CCNT2: variants seen among roughly 807,000 people sequenced by gnomAD.
The protein encoded by CCNT2 is cyclin-T2.
In CCNT2, 18 loss-of-function variants were observed where a neutral mutation model predicts 70.0. The observed-to-expected ratio is 0.26, with a 90% CI of 0.18 to 0.38. The LOEUF (loss-of-function observed/expected upper bound fraction) is 0.38. Ranked by LOEUF, CCNT2 falls within the 10% of genes least tolerant of loss-of-function variation. CCNT2 has a pLI of 1.00. For missense variants in CCNT2, 734 were observed against 890.2 expected, an observed-to-expected ratio of 0.82 and a Z score of 2.23; for synonymous variants, 334 against 313.3, an observed-to-expected ratio of 1.07 and a Z score of -0.70.
intron 2 of CCNT2, 39 bp from the exon 3 acceptor site, chr2:134,936,800 GTA>G: frequency 6.5e-7 from 1 of 1,545,618 alleles, no homozygotes. Context: ...TTTTTGAAAT[GTA>G]TTTGTTCTTA....
chr2:134,939,441 A>G (rs1443058453), intron 4 of CCNT2, among the ~76,000 whole-genome samples: 1 of 151,780 alleles, frequency 6.6e-6, no homozygotes, highest in Admixed American at 6.6e-5. Flanking sequence ...TTATGAGTAT[A>G]TCACCTTTTT....
chr2:134,918,841 G>A lies in CCNT2; in HGVS notation c.-14G>A. On this transcript the variant is annotated 5_prime_UTR_variant, in exon 1 of 9. Coordinates refer to ENST00000264157, the MANE Select transcript of CCNT2 (RefSeq NM_058241.3). ...CGGGGGGTGAATGAAGGAGCGGGCG[G>A]AGGAGGAAGTGTCATGGCGTCGGGC... 6.2e-7 allele frequency: 1 copy of A among 1,608,976 alleles called. No individual in the cohort carries two copies. Among genetic ancestry groups the A allele is most frequent in the Non-Finnish European group, 8.5e-7 (1 of 1,176,720 alleles).
intron 2 of CCNT2, among the ~76,000 whole-genome samples, chr2:134,930,793 T>G (rs1430036140): frequency 1.3e-5 from 2 of 152,166 alleles, no homozygotes; most frequent in African/African-American, 4.8e-5. Context: ...AGTTTATTAA[T>G]ATTTTTCTTC....
chr2:134,938,622 G>A (rs528948842), intron 3 of CCNT2, among the ~76,000 whole-genome samples: 4 of 152,306 alleles, frequency 2.6e-5, no homozygotes, highest in African/African-American at 9.6e-5. Context: ...TGTAAGCCAG[G>A]TTTGGGTTAA....
At chr2:134,950,524 C>A (rs1424885684) in intron 7 of CCNT2, among the ~76,000 whole-genome samples, 2 of 152,076 alleles carry the variant, frequency 1.3e-5, no homozygotes, top group African/African-American at 4.8e-5. Flanking sequence ...ATAGACCCAA[C>A]TACTGTGGAG....
intron 6 of CCNT2, chr2:134,946,546 TA>T: frequency 3.1e-6 from 1 of 319,430 alleles, no homozygotes; most frequent in Non-Finnish European, 4.6e-6. Flanking sequence ...GTCTTAACTT[TA>T]AAATACTCAT....
chr2:134,926,130 C>T (rs1478313197), intron 2 of CCNT2, among the ~76,000 whole-genome samples: 1 of 152,050 alleles, frequency 6.6e-6, no homozygotes. Flanking sequence ...CCTCCCAACA[C>T]TCAGCCTAAA....
intron 2 of CCNT2, among the ~76,000 whole-genome samples, chr2:134,933,240 T>G (rs1391760690): frequency 6.6e-6 from 1 of 152,232 alleles, no homozygotes; most frequent in East Asian, 1.9e-4. Context: ...TGGCTAGTTC[T>G]TAAATACAAA....
rs571738194 is a variant in CCNT2 at position 134,942,988 on chromosome 2, T to C, written c.493+314T>C. ...ATTTCAGTCAAGTGTGGGCCAATAG[T>C]GCATAGGTTCAGAAAATAATATTAA... On this transcript the variant is annotated intron_variant, in intron 5 of 8. Coordinates refer to ENST00000264157, the MANE Select transcript of CCNT2 (RefSeq NM_058241.3). 52 of 985,254 alleles carry C rather than the reference T, an allele frequency of 5.3e-5. No homozygotes were observed. The African/African-American group carries it at 7.3e-4, about 14-fold the overall frequency. 61.0% of individuals were successfully genotyped at this position (985,254 alleles called of 1,614,324 possible). A position where few individuals can be genotyped will look rare whatever the true frequency, so the allele number is the denominator to read the frequency against.
intron 5 of CCNT2, chr2:134,943,365 C>T (rs917786740): frequency 3.5e-6 from 3 of 853,816 alleles, no homozygotes; most frequent in South Asian, 5.3e-5. Context: ...CATGCCCCTG[C>T]ACTCTACCTT....
At chr2:134,941,866 T>G (rs1160763761) in intron 4 of CCNT2, among the ~76,000 whole-genome samples, 1 of 152,158 alleles carries the variant, frequency 6.6e-6, no homozygotes, top group African/African-American at 2.4e-5. Context: ...TCTGCATATT[T>G]AATTACAGTA....
chr2:134,949,517 CT>C (rs1478655886), intron 7 of CCNT2, among the ~76,000 whole-genome samples: 1 of 152,132 alleles, frequency 6.6e-6, no homozygotes, highest in Non-Finnish European at 1.5e-5. Context: ...GTGAAATATG[CT>C]TCTTTGTTTC....
At position 134,957,459 on chromosome 2, in the gene CCNT2, C is replaced by A. The variant is rs1316793559; in HGVS notation, c.*2811C>A. 1 of 152,122 alleles carries A rather than the reference C, an allele frequency of 6.6e-6. No homozygotes were observed. Among genetic ancestry groups the A allele is most frequent in the African/African-American group, 2.4e-5 (1 of 41,440 alleles). 9.4% of individuals were successfully genotyped at this position (152,122 alleles called of 1,614,324 possible). On this transcript the variant is annotated 3_prime_UTR_variant, in exon 9 of 9. Transcript: ENST00000264157. ...TTTTCCCTAGATCACTGATTTGTTA[C>A]CTTTACACAGAAGCACATTGCAAAG...
chr2:134,953,811 A>G lies in CCNT2; in HGVS notation c.1356A>G (p.Val452=), dbSNP rs1390381414. 6.2e-7 allele frequency: 1 copy of G among 1,613,640 alleles called. No individual in the cohort carries two copies. Among genetic ancestry groups the G allele is most frequent in the Admixed American group, 1.7e-5 (1 of 60,030 alleles). Residue 452 remains valine, a synonymous_variant, in exon 9 of 9, where the codon GTA becomes GTG. Transcript: ENST00000264157. The part of the protein sequence containing the change: ...KRKLETLDLD[V]RDHYIAAQVE... ...AACTAGAAACTCTTGATCTCGATGT[A>G]AGGGATCATTATATAGCTGCCCAGG...
At chr2:134,931,789 G>A (rs1680790089) in intron 2 of CCNT2, among the ~76,000 whole-genome samples, 1 of 152,000 alleles carries the variant, frequency 6.6e-6, no homozygotes, top group African/African-American at 2.4e-5. Flanking sequence ...TTTAAGAGAA[G>A]GGATCTCACT....
intron 7 of CCNT2, among the ~76,000 whole-genome samples, chr2:134,949,530 T>G (rs1682274751): frequency 6.6e-6 from 1 of 152,236 alleles, no homozygotes; most frequent in Non-Finnish European, 1.5e-5. Flanking sequence ...CTTTGTTTCA[T>G]CCTTTTCTAT....
At position 134,946,160 on chromosome 2, in the gene CCNT2, C is replaced by A; in HGVS notation, c.539+14C>A. The A allele has an allele frequency of 6.2e-7, 1 of 1,611,544 alleles. No homozygotes were observed. The highest frequency in any genetic ancestry group is 8.5e-7 in the Non-Finnish European group (1 of 1,179,322). On this transcript the variant is annotated intron_variant, in intron 6 of 8. Transcript: ENST00000264157. ...GGCTACCAACAGGTTGTTATCCTGA[C>A]CCTCTTTGTTGCACTGTTGTAGCAC...
rs776780965 is a variant in CCNT2 at position 134,954,467 on chromosome 2, CT to C, written c.2013del (p.Val672SerfsTer14). On this transcript the variant is annotated frameshift_variant, in exon 9 of 9. Coordinates refer to ENST00000264157, the MANE Select transcript of CCNT2 (RefSeq NM_058241.3). LOFTEE classifies it high-confidence loss of function. ...VFNHPLPPPP[P>X]VTYQVGYGHL... Reference sequence around the variant, plus strand: ...AACCATCCCTTACCCCCTCCTCCCCCTGTCACATACCAGGTGGGCTACGGAC... The same window carrying C: ...AACCATCCCTTACCCCCTCCTCCCCCGTCACATACCAGGTGGGCTACGGAC... 5 of 1,614,178 alleles carry C rather than the reference CT, an allele frequency of 3.1e-6. No individual in the cohort carries two copies. Among genetic ancestry groups the C allele is most frequent in the Non-Finnish European group, 3.4e-6 (4 of 1,180,014 alleles).
intron 1 of CCNT2, among the ~76,000 whole-genome samples, chr2:134,919,250 C>T (rs1447268130): frequency 6.6e-6 from 1 of 152,078 alleles, no homozygotes; most frequent in Non-Finnish European, 1.5e-5. Context: ...TGGGGCAGCG[C>T]GTGGTGGTGG....
Sources: allele counts gnomAD v4.1 joint callset (sites outside exome capture counted in the v4.1 genomes callset), GRCh38; gene constraint gnomAD v4.1.1; transcripts MANE v1.5; gene names NCBI Gene and HGNC (gene_info 2026-07-23, HGNC 2026-07-21).